Variants in SCMH1 observed in about 807,000 individuals in gnomAD.
SCMH1 encodes the protein Scm polycomb group protein homolog 1, also known as polycomb protein SCMH1.
A neutral mutation model predicts 70.8 loss-of-function variants in SCMH1; 37 were observed. That is an observed-to-expected ratio of 0.52 (90% confidence interval 0.40 to 0.69). The LOEUF (loss-of-function observed/expected upper bound fraction) is 0.69, where lower values mean the gene tolerates loss of function less well. Among genes scored for constraint, SCMH1 ranks in the 30% least tolerant of loss-of-function variants. SCMH1 has a pLI of 0.00. For missense variants in SCMH1, 607 were observed against 827.3 expected (o/e 0.73, Z 3.27); for synonymous variants, 292 against 307.4 (o/e 0.95, Z 0.52).
At chr1:41,232,990 G>A (rs1319700808) in intron 1 of SCMH1, among the ~76,000 whole-genome samples, 1 of 152,180 alleles carries the variant, frequency 6.6e-6, no homozygotes, top group African/African-American at 2.4e-5. Context: ...CAAGAGTCAA[G>A]AGAACCAGAT....
intron 4 of SCMH1, among the ~76,000 whole-genome samples, chr1:41,160,128 A>G (rs1645893914): frequency 6.6e-6 from 1 of 152,214 alleles, no homozygotes; most frequent in South Asian, 2.1e-4. Context: ...TGCAGGAAAG[A>G]AAGGCAAGAG....
intron 13 of SCMH1, among the ~76,000 whole-genome samples, chr1:41,034,442 C>T (rs1212228516): frequency 2.0e-5 from 3 of 151,844 alleles, no homozygotes; most frequent in Non-Finnish European, 4.4e-5. Flanking sequence ...ATTCTCCTGT[C>T]TCAGCCTCCT....
At chr1:41,028,679 G>A (rs267598597) in exon 14 of SCMH1, 44 of 1,614,102 alleles carry the variant, frequency 2.7e-5, no homozygotes, top group Middle Eastern at 1.6e-4. Context: ...GAGGGGTCCC[G>A]GCCACTCAGT....
intron 8 of SCMH1, among the ~76,000 whole-genome samples, chr1:41,092,794 A>G (rs1412864841): frequency 6.6e-6 from 1 of 152,218 alleles, no homozygotes; most frequent in East Asian, 1.9e-4. Flanking sequence ...ACTGGCCATC[A>G]GAGAAATGCA....
intron 4 of SCMH1, among the ~76,000 whole-genome samples, chr1:41,158,826 A>C (rs2148407384): frequency 6.6e-6 from 1 of 152,284 alleles, no homozygotes; most frequent in African/African-American, 2.4e-5. Context: ...GCAGAGTGGC[A>C]ATGAGAAGGC....
chr1:41,032,248 T>A (rs1429118228), intron 13 of SCMH1, among the ~76,000 whole-genome samples: 1 of 152,198 alleles, frequency 6.6e-6, no homozygotes, highest in Non-Finnish European at 1.5e-5. Context: ...TACTATATAT[T>A]TATATGCTTG....
chr1:41,208,315 T>C (rs1158993682), intron 1 of SCMH1, among the ~76,000 whole-genome samples: 10 of 125,692 alleles, frequency 8.0e-5, no homozygotes, highest in Non-Finnish European at 1.3e-4. Flanking sequence ...TTGGGAGATA[T>C]ACCTAATGCT....
At chr1:41,150,834 G>C (rs2148324239) in intron 5 of SCMH1, among the ~76,000 whole-genome samples, 1 of 151,652 alleles carries the variant, frequency 6.6e-6, no homozygotes, top group East Asian at 1.9e-4. Context: ...CTACTCGGGA[G>C]GCTGAGGCAG....
intron 10 of SCMH1, among the ~76,000 whole-genome samples, chr1:41,058,581 C>T (rs559555541): frequency 1.3e-5 from 2 of 151,902 alleles, no homozygotes; most frequent in South Asian, 2.1e-4. Context: ...GGGGTTTCAC[C>T]GTGTTAGCCA....
At chr1:41,194,766 T>C (rs1021687535) in intron 1 of SCMH1, among the ~76,000 whole-genome samples, 1 of 152,162 alleles carries the variant, frequency 6.6e-6, no homozygotes, top group Non-Finnish European at 1.5e-5. Flanking sequence ...AGGAACCAAA[T>C]GAGAATCAGA....
At chr1:41,070,494 G>GT (rs1656100184) in intron 10 of SCMH1, 101 bp downstream of exon 10, 2 of 1,412,636 alleles carry the variant, frequency 1.4e-6, no homozygotes, top group Non-Finnish European at 1.9e-6. Flanking sequence ...TTTTACCTAG[G>GT]TTTACAAGTG....
intron 1 of SCMH1, among the ~76,000 whole-genome samples, chr1:41,215,251 C>T (rs1191550524): frequency 1.3e-5 from 2 of 152,136 alleles, no homozygotes; most frequent in African/African-American, 4.8e-5. Context: ...TCTCCACTTC[C>T]ATTCCATCCT....
intron 2 of SCMH1, among the ~76,000 whole-genome samples, chr1:41,180,209 A>T (rs1185821432): frequency 6.6e-6 from 1 of 152,148 alleles, no homozygotes; most frequent in Admixed American, 6.6e-5. Context: ...TTGATGGGAC[A>T]TATCTCAAAA....
intron 10 of SCMH1, among the ~76,000 whole-genome samples, chr1:41,050,376 C>T (rs1647640357): frequency 6.6e-6 from 1 of 152,120 alleles, no homozygotes; most frequent in Non-Finnish European, 1.5e-5. Context: ...AAGATAAGAG[C>T]AGTAATTGTG....
intron 1 of SCMH1, among the ~76,000 whole-genome samples, chr1:41,202,828 C>T (rs1363552373): frequency 6.6e-6 from 1 of 152,006 alleles, no homozygotes; most frequent in Non-Finnish European, 1.5e-5. Context: ...CTCCTACTAC[C>T]CTTCCCCTGA....
intron 2 of SCMH1, among the ~76,000 whole-genome samples, chr1:41,184,982 T>C (rs1465073360): frequency 6.6e-6 from 1 of 152,232 alleles, no homozygotes; most frequent in Admixed American, 6.5e-5. Flanking sequence ...TTATGTCTTA[T>C]TCTCCTTACT....
At position 41,242,041 on chromosome 1, in the gene SCMH1, C is replaced by A. The variant is rs1172588550; in HGVS notation, c.-118+18G>T. ...GCACGAGCTCTTAGGCGGGCGGAGG[C>A]GGCCGCGAGGCGCTTACCTGAGGGC... On this transcript the variant is annotated intron_variant, in intron 1 of 14. Transcript: ENST00000337495. This position sits in a 1 kb window ranked among gnomAD's most constrained non-coding sequence, Gnocchi z 5.2. 2.0e-5 allele frequency: 3 copies of A among 152,214 alleles called. No homozygotes were observed. The highest frequency in any genetic ancestry group is 7.3e-5 in the African/African-American group (3 of 41,312). 9.4% of individuals were successfully genotyped at this position (152,214 alleles called of 1,614,324 possible).
chr1:41,228,502 G>C (rs1333307654), intron 1 of SCMH1, among the ~76,000 whole-genome samples: 1 of 152,144 alleles, frequency 6.6e-6, no homozygotes, highest in Non-Finnish European at 1.5e-5. Context: ...AATGTAAGGA[G>C]CCAAGCACAG....
At chr1:41,155,091 C>T (rs1178871750) in intron 4 of SCMH1, among the ~76,000 whole-genome samples, 1 of 152,084 alleles carries the variant, frequency 6.6e-6, no homozygotes, top group Non-Finnish European at 1.5e-5. Flanking sequence ...TAAGACTTTA[C>T]AGATGAGAAA....
Sources: gnomAD v4.1 joint callset for allele counts (sites outside exome capture counted in the v4.1 genomes callset) on GRCh38, gnomAD v4.1.1 for gene constraint, Gnocchi (gnomAD v3.1) non-coding constraint, MANE v1.5 for transcripts, NCBI Gene and HGNC (gene_info 2026-07-23, HGNC 2026-07-21) for gene names.